Variants in PICALM observed in about 807,000 individuals in gnomAD.
PICALM encodes the protein phosphatidylinositol binding clathrin assembly protein.
PICALM carries 40 observed loss-of-function variants against 80.5 expected under a neutral mutation model. The observed-to-expected ratio is 0.50, with a 90% CI of 0.39 to 0.65. PICALM has a LOEUF of 0.65. PICALM is among the 30% of genes least tolerant of loss of function. The pLI, the probability that PICALM is intolerant of heterozygous loss-of-function variation, is 0.00. For missense variants in PICALM, 676 were observed against 778.9 expected, an observed-to-expected ratio of 0.87 and a Z score of 1.57; for synonymous variants, 288 against 260.3, an observed-to-expected ratio of 1.11 and a Z score of -1.02.
chr11:85,974,817 AAAAG>A lies in PICALM; in HGVS notation c.1840-9_1840-6del. The A allele has an allele frequency of 6.3e-7, 1 of 1,579,944 alleles. No homozygotes were observed. The highest frequency in any genetic ancestry group is 8.7e-7 in the Non-Finnish European group (1 of 1,148,908). ...AACACTTCCCATTTGTGGAGGCTAA[AAAAG>A]AGAAAAATATCAAAAGATACTGACT... On this transcript the variant is annotated splice_region_variant and splice_polypyrimidine_tract_variant and intron_variant, in intron 18 of 19. Transcript: ENST00000393346.
At chr11:85,998,217 T>C (rs1336314461) in intron 11 of PICALM, among the ~76,000 whole-genome samples, 1 of 152,078 alleles carries the variant, frequency 6.6e-6, no homozygotes, top group Non-Finnish European at 1.5e-5. Flanking sequence ...GTTCATGCCA[T>C]TCTTCTACCT....
At chr11:86,033,123 T>C (rs2136824431) in intron 1 of PICALM, among the ~76,000 whole-genome samples, 1 of 152,308 alleles carries the variant, frequency 6.6e-6, no homozygotes, top group African/African-American at 2.4e-5. Flanking sequence ...AAAAATGGAA[T>C]TTAATCTCTG....
Position 85,974,721 on chromosome 11 carries a change from AC to A in PICALM, c.1930del (p.Val644TyrfsTer54). 1 of 1,609,262 alleles carries A rather than the reference AC, an allele frequency of 6.2e-7. No homozygotes were observed. The highest frequency in any genetic ancestry group is 8.5e-7 in the Non-Finnish European group (1 of 1,175,610). ...VMRPPNPFGP[V>X]SGAQIQFM is the part of the protein sequence containing the mutation. ...AGTGTGTAATACCTGTGCTCCTGATACAGGGCCAAAGGGGTTTGGAGGTCTC... is the reference window on the plus strand; with the variant it reads ...AGTGTGTAATACCTGTGCTCCTGATAAGGGCCAAAGGGGTTTGGAGGTCTC... On this transcript the variant is annotated frameshift_variant, in exon 19 of 20. Transcript: ENST00000393346. LOFTEE classifies it high-confidence loss of function.
intron 19 of PICALM, among the ~76,000 whole-genome samples, chr11:85,971,052 C>G (rs2094095658): frequency 6.6e-6 from 1 of 152,172 alleles, no homozygotes. Flanking sequence ...TGATTAGATA[C>G]ATGCAGAACA....
rs138329611 is a variant in PICALM at position 85,957,350 on chromosome 11, C to G, written c.*1696G>C. Reference sequence around the variant, plus strand: ...GCACTACTAAATAGGCAATATGATACAATCAAAGGTTTCTTTGGCAGACAT... The same window carrying G: ...GCACTACTAAATAGGCAATATGATAGAATCAAAGGTTTCTTTGGCAGACAT... On this transcript the variant is annotated 3_prime_UTR_variant, in exon 20 of 20. Transcript: ENST00000393346. Among the ~76,000 whole-genome samples the G allele has an allele frequency of 3.8e-4, 58 of 152,292 alleles. 1 individual carries two copies. The East Asian group carries it at 0.011, about 28-fold the overall frequency.
intron 12 of PICALM, among the ~76,000 whole-genome samples, chr11:85,993,883 T>TG (rs1303690132): frequency 1.3e-5 from 2 of 148,724 alleles, no homozygotes; most frequent in East Asian, 3.9e-4. Flanking sequence ...ACTAAACTGA[T>TG]TTTTTTTTTT....
At chr11:86,030,116 T>C (rs1555110534) in intron 2 of PICALM, among the ~76,000 whole-genome samples, 1 of 152,054 alleles carries the variant, frequency 6.6e-6, no homozygotes, top group Non-Finnish European at 1.5e-5. Flanking sequence ...CTAAAGATGA[T>C]AAAAAAATAC....
intron 19 of PICALM, among the ~76,000 whole-genome samples, chr11:85,973,898 T>C (rs992267414): frequency 8.2e-5 from 4 of 49,068 alleles, no homozygotes; most frequent in African/African-American, 4.7e-4. Context: ...TAACTACTTC[T>C]AGATGTCAAA....
At chr11:86,055,148 T>C (rs920988806) in intron 1 of PICALM, among the ~76,000 whole-genome samples, 10 of 151,928 alleles carry the variant, frequency 6.6e-5, no homozygotes, top group African/African-American at 1.4e-4. Flanking sequence ...CTGGACAACA[T>C]GGTGAAACCC....
intron 1 of PICALM, among the ~76,000 whole-genome samples, chr11:86,068,291 G>C (rs1372590855): frequency 6.6e-6 from 1 of 152,216 alleles, no homozygotes; most frequent in Non-Finnish European, 1.5e-5. Context: ...GGCGGCACCG[G>C]ACGGGTGGGA....
chr11:86,056,261 A>G (rs1456955216), intron 1 of PICALM, among the ~76,000 whole-genome samples: 1 of 149,952 alleles, frequency 6.7e-6, no homozygotes, highest in Non-Finnish European at 1.5e-5. Flanking sequence ...AAAATTACAA[A>G]TCATATAAAG....
At chr11:85,999,789 TG>T (rs1220267694) in intron 11 of PICALM, among the ~76,000 whole-genome samples, 10 of 152,236 alleles carry the variant, frequency 6.6e-5, no homozygotes, top group African/African-American at 2.4e-4. Context: ...CCACTCTCTA[TG>T]GAACATTTAA....
chr11:85,989,127 A>G (rs958392542), intron 13 of PICALM, among the ~76,000 whole-genome samples: 2 of 152,206 alleles, frequency 1.3e-5, no homozygotes, highest in Admixed American at 1.3e-4. Flanking sequence ...GGCTATCTAG[A>G]TACATAGCTC....
intron 2 of PICALM, among the ~76,000 whole-genome samples, chr11:86,027,971 TGATTTTAATA>T (rs1565467708): frequency 6.6e-6 from 1 of 152,218 alleles, no homozygotes; most frequent in Non-Finnish European, 1.5e-5. Context: ...TATTAGACTA[TGATTTTAATA>T]GATTTTGATA....
intron 1 of PICALM, among the ~76,000 whole-genome samples, chr11:86,059,042 C>A (rs969405350): frequency 1.3e-5 from 2 of 152,160 alleles, no homozygotes; most frequent in African/African-American, 4.8e-5. Context: ...CCTCTTAATG[C>A]CTCATGAGTT....
At chr11:85,961,009 T>C (rs531812839) in intron 19 of PICALM, among the ~76,000 whole-genome samples, 52 of 151,024 alleles carry the variant, frequency 3.4e-4, no homozygotes, top group African/African-American at 1.3e-3. Flanking sequence ...GCTTCTGAAG[T>C]TTCAAAGGAA....
At chr11:86,018,758 G>A (rs982318856) in intron 4 of PICALM, among the ~76,000 whole-genome samples, 1 of 151,982 alleles carries the variant, frequency 6.6e-6, no homozygotes, top group African/African-American at 2.4e-5. Context: ...GCATTGTGGC[G>A]GGCACCTGTA....
chr11:86,039,585 T>C (rs911565675), intron 1 of PICALM, among the ~76,000 whole-genome samples: 3 of 152,126 alleles, frequency 2.0e-5, no homozygotes, highest in African/African-American at 7.2e-5. Flanking sequence ...TCTGTTTATT[T>C]TAACAAAGTT....
intron 13 of PICALM, among the ~76,000 whole-genome samples, chr11:85,986,405 A>T (rs2094574053): frequency 1.6e-5 from 1 of 61,610 alleles, no homozygotes; most frequent in African/African-American, 6.1e-5. Flanking sequence ...TTTTTTTGAG[A>T]CGGAGTCTCG....
Sources: allele counts gnomAD v4.1 joint callset (sites outside exome capture counted in the v4.1 genomes callset), GRCh38; gene constraint gnomAD v4.1.1; transcripts MANE v1.5; gene names NCBI Gene and HGNC (gene_info 2026-07-23, HGNC 2026-07-21).